The following BCAS3 variants were observed in gnomAD, a reference collection of about 807,000 sequenced individuals.
The protein encoded by BCAS3 is BCAS3 microtubule associated cell migration factor.
BCAS3 carries 53 observed loss-of-function variants against 116.1 expected under a neutral mutation model. That is an observed-to-expected ratio of 0.46 (90% confidence interval 0.37 to 0.57). The LOEUF is 0.57. Among genes scored for constraint, BCAS3 ranks in the 20% least tolerant of loss-of-function variants. The pLI is 0.00. For missense variants in BCAS3, 917 were observed against 1,165.4 expected (o/e 0.79, Z 3.10); for synonymous variants, 391 against 408.2 (o/e 0.96, Z 0.51).
chr17:61,287,694 C>G (rs1316443504), intron 22 of BCAS3, among the ~76,000 whole-genome samples: 1 of 152,046 alleles, frequency 6.6e-6, no homozygotes, highest in African/African-American at 2.4e-5. Flanking sequence ...TCGTTACACT[C>G]CAGCCTGGGT....
intron 7 of BCAS3, among the ~76,000 whole-genome samples, chr17:60,842,581 A>G (rs1486262504): frequency 6.6e-6 from 1 of 151,906 alleles, no homozygotes; most frequent in African/African-American, 2.4e-5. Context: ...TGCATACTCT[A>G]CGGGACATGA....
chr17:60,933,644 T>G (rs2059776247), intron 13 of BCAS3, among the ~76,000 whole-genome samples: 1 of 152,180 alleles, frequency 6.6e-6, no homozygotes, highest in East Asian at 1.9e-4. Context: ...TAGGTTTTTC[T>G]TTTTGGACAT....
rs538789956 is a variant in BCAS3 at position 60,902,338 on chromosome 17, C to T, written c.739-282C>T. On this transcript the variant is annotated intron_variant, in intron 10 of 23. Transcript: ENST00000407086. ...TTTATTTGTGGAAAGGCCACCAGAC[C>T]CCAATCCTACCATTTCAGAGTTTAT... is the stretch of plus-strand genomic sequence containing the variant. Among the ~76,000 whole-genome samples the T allele has an allele frequency of 9.7e-4, 148 of 152,196 alleles. 2 individuals carry two copies. The South Asian group carries it at 0.03, about 31-fold the overall frequency.
intron 6 of BCAS3, among the ~76,000 whole-genome samples, chr17:60,797,616 G>T (rs754095499): frequency 1.2e-4 from 18 of 151,958 alleles, no homozygotes; most frequent in Non-Finnish European, 1.6e-4. Context: ...CACATGCTAT[G>T]GTGGTTTGCT....
intron 15 of BCAS3, among the ~76,000 whole-genome samples, chr17:61,005,234 G>C (rs1486651871): frequency 6.6e-6 from 1 of 152,068 alleles, no homozygotes; most frequent in Non-Finnish European, 1.5e-5. Context: ...ATTTAGAAGA[G>C]AAGGGCTTGA....
chr17:60,779,998 T>G (rs1342351747), intron 6 of BCAS3, among the ~76,000 whole-genome samples: 2 of 151,874 alleles, frequency 1.3e-5, no homozygotes, highest in African/African-American at 4.8e-5. Flanking sequence ...TTTAATTTTT[T>G]TTTTTTTTTG....
At chr17:60,697,170 A>G (rs1190934874) in intron 4 of BCAS3, among the ~76,000 whole-genome samples, 1 of 152,118 alleles carries the variant, frequency 6.6e-6, no homozygotes, top group African/African-American at 2.4e-5. Flanking sequence ...AGACTGGGTG[A>G]CAGGGCAAGA....
chr17:60,710,487 A>G (rs2037734252), intron 5 of BCAS3, among the ~76,000 whole-genome samples: 1 of 146,672 alleles, frequency 6.8e-6, no homozygotes, highest in Admixed American at 7.0e-5. Flanking sequence ...GCTGGAGTGC[A>G]GTGGCGCAAT....
chr17:60,884,570 T>A (rs1291104566), intron 9 of BCAS3, among the ~76,000 whole-genome samples: 1 of 146,302 alleles, frequency 6.8e-6, no homozygotes, highest in Non-Finnish European at 1.5e-5. Context: ...TGCTTTCTCT[T>A]GTGGGCATTT....
intron 12 of BCAS3, among the ~76,000 whole-genome samples, chr17:60,916,140 A>G (rs2058769184): frequency 6.6e-6 from 1 of 152,176 alleles, no homozygotes; most frequent in East Asian, 1.9e-4. Flanking sequence ...TTTAATGTGG[A>G]TATGTTTTCA....
chr17:60,796,375 A>G (rs1490563543), intron 6 of BCAS3, among the ~76,000 whole-genome samples: 1 of 151,950 alleles, frequency 6.6e-6, no homozygotes, highest in Non-Finnish European at 1.5e-5. Flanking sequence ...TTTTGTTGGT[A>G]ATTTATAAAA....
intron 22 of BCAS3, among the ~76,000 whole-genome samples, chr17:61,116,018 A>G (rs1021174728): frequency 8.2e-4 from 120 of 146,774 alleles, no homozygotes; most frequent in Admixed American, 5.8e-3. Context: ...GCATATTCTC[A>G]CTCATAGGTG....
In BCAS3 at chr17:61,278,636, G is replaced by A. The variant is rs2050979411; in HGVS notation, c.2426-89691G>A. 6.6e-6 allele frequency among the ~76,000 whole-genome samples: 1 copy of A among 152,166 alleles called. No individual in the cohort carries two copies. The highest frequency in any genetic ancestry group is 6.5e-5 in the Admixed American group (1 of 15,276). ...AAACAAAATGTGGTGTGTTCCTACAGTGGAACACAAAATATTCCATAAAAA... is the reference window on the plus strand; with the variant it reads ...AAACAAAATGTGGTGTGTTCCTACAATGGAACACAAAATATTCCATAAAAA... On this transcript the variant is annotated intron_variant, in intron 22 of 23. Transcript: ENST00000407086. The surrounding 1 kb of genome is among the most constrained non-coding windows in gnomAD (Gnocchi z 5.8).
intron 14 of BCAS3, among the ~76,000 whole-genome samples, chr17:60,976,982 C>G (rs1365314038): frequency 6.6e-6 from 1 of 152,086 alleles, no homozygotes; most frequent in Non-Finnish European, 1.5e-5. Context: ...GGTGGCCGGA[C>G]AGAGGGGCTC....
intron 22 of BCAS3, among the ~76,000 whole-genome samples, chr17:61,166,530 T>G (rs1430200080): frequency 6.6e-6 from 1 of 150,956 alleles, no homozygotes; most frequent in East Asian, 2.0e-4. Context: ...CCCAAGTAGC[T>G]GGGATTACAG....
rs139629007 is a variant in BCAS3, at chr17:61,017,801, TTCTC to T, written c.1637+1909_1637+1912del. Among the ~76,000 whole-genome samples, 24 of 152,134 alleles carry T rather than the reference TTCTC, an allele frequency of 1.6e-4. No homozygotes were observed. Among genetic ancestry groups the T allele is most frequent in the Middle Eastern group, 3.4e-3 (1 of 294 alleles). ...AAGAAGATAAAATCTCTTGCTTTCT[TTCTC>T]TCTCTCTCCCTCTTACAACCCGATT... On this transcript the variant is annotated intron_variant, in intron 16 of 23. Coordinates refer to ENST00000407086, the MANE Select transcript of BCAS3 (RefSeq NM_017679.5). This position sits in a 1 kb window ranked among gnomAD's most constrained non-coding sequence, Gnocchi z 4.7.
At chr17:60,813,940 A>G (rs556267079) in intron 7 of BCAS3, among the ~76,000 whole-genome samples, 41 of 152,246 alleles carry the variant, frequency 2.7e-4, no homozygotes, top group Admixed American at 2.6e-4. Flanking sequence ...GCCTTATAGT[A>G]TAGTTTGAAG....
In BCAS3 at chr17:61,181,447, G is replaced by T. The variant is rs1216847752; in HGVS notation, c.2425+96883G>T. Among the ~76,000 whole-genome samples the T allele has an allele frequency of 2.0e-5, 3 of 152,208 alleles. No individual in the cohort carries two copies. Among genetic ancestry groups the T allele is most frequent in the Non-Finnish European group, 4.4e-5 (3 of 68,036 alleles). ...GAGGTGATATTATCTTTGAACCTTT[G>T]CTTGACCATTTATGGACCAATACAC... On this transcript the variant is annotated intron_variant, in intron 22 of 23. Transcript: ENST00000407086. This position sits in a 1 kb window ranked among gnomAD's most constrained non-coding sequence, Gnocchi z 5.0.
chr17:61,271,589 C>G (rs1181649627), intron 22 of BCAS3, among the ~76,000 whole-genome samples: 3 of 118,370 alleles, frequency 2.5e-5, no homozygotes, highest in Non-Finnish European at 3.4e-5. Flanking sequence ...ACGCCCAGCT[C>G]TGTGTGTGTG....
Sources: allele counts gnomAD v4.1 joint callset (sites outside exome capture counted in the v4.1 genomes callset), GRCh38; gene constraint gnomAD v4.1.1; non-coding constraint Gnocchi (gnomAD v3.1); transcripts MANE v1.5; gene names NCBI Gene and HGNC (gene_info 2026-07-23, HGNC 2026-07-21).